The following KANK1 variants were observed in gnomAD, a reference collection of about 807,000 sequenced individuals.
The protein encoded by KANK1 is KN motif and ankyrin repeat domain-containing protein 1.
In KANK1, 109 loss-of-function variants were observed where a neutral mutation model predicts 106.2. The ratio of observed to expected loss-of-function variants is 1.03; its 90% CI spans 0.88 to 1.20. The LOEUF is 1.20. KANK1 is among the 50% of genes most tolerant of loss of function. The pLI is 0.00. For synonymous variants in KANK1, 873 were observed against 652.2 expected, an observed-to-expected ratio of 1.34 and a Z score of -5.16; for missense variants, 2,399 against 1,710.7, an observed-to-expected ratio of 1.40 and a Z score of -7.10.
intron 2 of KANK1, among the ~76,000 whole-genome samples, chr9:700,600 C>T (rs758095495): frequency 6.6e-6 from 1 of 152,166 alleles, no homozygotes; most frequent in South Asian, 2.1e-4. Flanking sequence ...AGGATGCTTA[C>T]ACTCTGGGGC....
intron 3 of KANK1, among the ~76,000 whole-genome samples, chr9:482,625 A>G (rs1022401963): frequency 6.6e-6 from 1 of 152,202 alleles, no homozygotes; most frequent in Non-Finnish European, 1.5e-5. Flanking sequence ...CTACAATCAC[A>G]TGTGGTTGAC....
intron 1 of KANK1, among the ~76,000 whole-genome samples, chr9:605,667 G>A (rs942436768): frequency 6.6e-6 from 1 of 151,784 alleles, no homozygotes; most frequent in Admixed American, 6.5e-5. Context: ...TGAGTGCCAT[G>A]CCATAGCAAA....
intron 2 of KANK1, among the ~76,000 whole-genome samples, chr9:683,496 C>T (rs1333724263): frequency 6.6e-6 from 1 of 152,182 alleles, no homozygotes; most frequent in African/African-American, 2.4e-5. Context: ...TGAGCTCACA[C>T]AGCTAATGAC....
chr9:689,308 A>G (rs1177892556), intron 2 of KANK1, among the ~76,000 whole-genome samples: 1 of 152,238 alleles, frequency 6.6e-6, no homozygotes, highest in East Asian at 1.9e-4. Flanking sequence ...AAGACAGAAG[A>G]CTTTTTATTT....
intron 1 of KANK1, among the ~76,000 whole-genome samples, chr9:580,817 A>G (rs1284770941): frequency 1.3e-5 from 2 of 152,184 alleles, no homozygotes; most frequent in African/African-American, 4.8e-5. Flanking sequence ...GCCGCGGAGC[A>G]GGGGGCGGTG....
intron 1 of KANK1, among the ~76,000 whole-genome samples, chr9:511,650 C>G (rs189545126): frequency 6.6e-6 from 1 of 152,104 alleles, no homozygotes; most frequent in Admixed American, 6.6e-5. Flanking sequence ...CTGTTATTCC[C>G]TTAATTTTTG....
intron 3 of KANK1, among the ~76,000 whole-genome samples, chr9:721,471 A>G (rs1394769054): frequency 9.2e-5 from 14 of 152,250 alleles, no homozygotes; most frequent in African/African-American, 3.1e-4. Flanking sequence ...TTATGCAAAT[A>G]ATTAGCCCAA....
intron 1 of KANK1, among the ~76,000 whole-genome samples, chr9:505,424 C>G (rs1045487658): frequency 6.6e-6 from 1 of 152,218 alleles, no homozygotes; most frequent in East Asian, 1.9e-4. Context: ...TTTCCGAGGT[C>G]CCGCGGTTCC....
At chr9:481,059 A>G (rs1289886662) in intron 3 of KANK1, among the ~76,000 whole-genome samples, 1 of 152,214 alleles carries the variant, frequency 6.6e-6, no homozygotes, top group East Asian at 1.9e-4. Context: ...GAACACTTAC[A>G]TGAGCCTACA....
chr9:638,128 T>G, intron 1 of KANK1, among the ~76,000 whole-genome samples: 1 of 152,312 alleles, frequency 6.6e-6, no homozygotes, highest in Middle Eastern at 3.4e-3. Context: ...ATCCAGAACT[T>G]CTTATCAAAT....
At chr9:521,796 G>A (rs2133233612) in intron 1 of KANK1, among the ~76,000 whole-genome samples, 1 of 151,582 alleles carries the variant, frequency 6.6e-6, no homozygotes, top group Non-Finnish European at 1.5e-5. Flanking sequence ...TCGAACTCCT[G>A]ACCTCAGGAG....
rs111438952 is a variant in KANK1 at position 738,636 on chromosome 9, C to T, written c.3553+132C>T. 1,703 of 706,800 alleles carry T rather than the reference C, an allele frequency of 2.4e-3. 21 individuals are homozygous for T. The African/African-American group carries it at 0.027, about 11-fold the overall frequency. 43.8% of individuals were successfully genotyped at this position (706,800 alleles called of 1,614,324 possible). ...TCCTTTTTATTGCTTTTCCACATGA[C>T]ATGGCAAGAATTTTCTTGAGTCATT... On this transcript the variant is annotated intron_variant, in intron 8 of 11. Coordinates refer to ENST00000382297, the MANE Select transcript of KANK1 (RefSeq NM_015158.5).
intron 3 of KANK1, among the ~76,000 whole-genome samples, chr9:725,116 G>T (rs147971722): frequency 6.6e-6 from 1 of 152,128 alleles, no homozygotes; most frequent in African/African-American, 2.4e-5. Flanking sequence ...ACAGCTAAAG[G>T]AGAAAGCATT....
At chr9:478,300 A>G (rs2058141532) in intron 3 of KANK1, 1 of 152,890 alleles carries the variant, frequency 6.5e-6, no homozygotes, top group African/African-American at 2.4e-5. Context: ...GCCTCCTGAC[A>G]TCATAGATGA....
intron 1 of KANK1, chr9:673,441 C>T (rs767103436): frequency 6.6e-6 from 1 of 152,416 alleles, no homozygotes; most frequent in East Asian, 1.9e-4. Flanking sequence ...AACTCCTGGC[C>T]TCAAGTGATC....
chr9:619,939 C>G (rs897578993), intron 1 of KANK1, among the ~76,000 whole-genome samples: 5 of 151,930 alleles, frequency 3.3e-5, no homozygotes, highest in African/African-American at 9.7e-5. Flanking sequence ...GAGTTCGAGA[C>G]CAGCCTGGCC....
chr9:637,393 T>A (rs1308387568), intron 1 of KANK1, among the ~76,000 whole-genome samples: 1 of 152,232 alleles, frequency 6.6e-6, no homozygotes, highest in African/African-American at 2.4e-5. Context: ...GGTTCAACAT[T>A]CATTTCATTG....
rs570068999 is a variant in KANK1, at chr9:619,805, G to C, written c.-83-57085G>C. Among the ~76,000 whole-genome samples, 18 of 152,144 alleles carry C rather than the reference G, an allele frequency of 1.2e-4. No individual in the cohort carries two copies. In the South Asian group the frequency reaches 3.7e-3, roughly 32 times the overall value. On this transcript the variant is annotated intron_variant, in intron 1 of 11. Coordinates refer to ENST00000382297, the MANE Select transcript of KANK1 (RefSeq NM_015158.5). ...ATACTTTAAACAGGCTCTTCCACTGGTGAGATTGTTTTTCCAAGCAGAGTT... is the reference window on the plus strand; with the variant it reads ...ATACTTTAAACAGGCTCTTCCACTGCTGAGATTGTTTTTCCAAGCAGAGTT...
intron 3 of KANK1, among the ~76,000 whole-genome samples, chr9:481,454 A>C (rs2058202419): frequency 6.6e-6 from 1 of 152,170 alleles, no homozygotes; most frequent in Non-Finnish European, 1.5e-5. Flanking sequence ...AAAATAATGC[A>C]CTTTTATCTA....
Sources: allele counts gnomAD v4.1 joint callset (sites outside exome capture counted in the v4.1 genomes callset), GRCh38; gene constraint gnomAD v4.1.1; transcripts MANE v1.5; gene names NCBI Gene and HGNC (gene_info 2026-07-23, HGNC 2026-07-21).